ANO2: variants seen among roughly 807,000 people sequenced by gnomAD.
ANO2 encodes the protein anoctamin-2.
In ANO2, 101 loss-of-function variants were observed where a neutral mutation model predicts 124.2. The ratio of observed to expected loss-of-function variants is 0.81; its 90% CI spans 0.69 to 0.96. The LOEUF is 0.96. ANO2 is among the 40% of genes least tolerant of loss of function. ANO2 has a pLI of 0.00. For missense variants in ANO2, 1,293 were observed against 1,274.5 expected (o/e 1.01, Z -0.22); for synonymous variants, 486 against 482.5 (o/e 1.01, Z -0.09).
In ANO2 at chr12:5,904,665, G is replaced by A. The variant is rs904219793; in HGVS notation, c.534+16375C>T. Among the ~76,000 whole-genome samples the A allele has an allele frequency of 3.9e-5, 6 of 152,142 alleles. No individual in the cohort carries two copies. Among genetic ancestry groups the A allele is most frequent in the Admixed American group, 2.6e-4 (4 of 15,278 alleles). On this transcript the variant is annotated intron_variant, in intron 3 of 24. Coordinates refer to ENST00000682330, the MANE Select transcript of ANO2 (RefSeq NM_001364791.2). The surrounding 1 kb of genome is among the most constrained non-coding windows in gnomAD (Gnocchi z 4.1). ...GCCACAGCACCCGATGCTCCTTCTC[G>A]ATCTTCAAATTTTGCAGTGTCATCC...
chr12:5,639,114 T>A (rs891373417), intron 15 of ANO2, among the ~76,000 whole-genome samples: 1 of 152,062 alleles, frequency 6.6e-6, no homozygotes, highest in South Asian at 2.1e-4. Context: ...CAGTTTCCTA[T>A]GGGAAAGACT....
chr12:5,585,706 C>T (rs1943077417), intron 20 of ANO2, among the ~76,000 whole-genome samples: 1 of 152,210 alleles, frequency 6.6e-6, no homozygotes, highest in African/African-American at 2.4e-5. Flanking sequence ...TCCTTCCTCC[C>T]ATCCCTCCAT....
intron 22 of ANO2, among the ~76,000 whole-genome samples, chr12:5,577,271 T>G (rs910421485): frequency 1.3e-5 from 2 of 152,260 alleles, no homozygotes; most frequent in Admixed American, 1.3e-4. Context: ...AATCACTGTT[T>G]GCCTCCCAAG....
intron 19 of ANO2, among the ~76,000 whole-genome samples, chr12:5,605,607 C>T (rs1944179171): frequency 6.6e-6 from 1 of 152,184 alleles, no homozygotes; most frequent in Admixed American, 6.5e-5. Flanking sequence ...GAGCCCATTT[C>T]CAATTTTGCT....
Position 5,608,341 on chromosome 12 carries a change from A to G in ANO2, c.2087+4315T>C, listed in dbSNP as rs138811409. On this transcript the variant is annotated intron_variant, in intron 19 of 24. Coordinates refer to ENST00000682330, the MANE Select transcript of ANO2 (RefSeq NM_001364791.2). ...CAACCTTTATAATTGTACAAATTATAAAGAACTTTGGGGATAAAAGATCCT... is the reference window on the plus strand; with the variant it reads ...CAACCTTTATAATTGTACAAATTATGAAGAACTTTGGGGATAAAAGATCCT... 4.5e-3 allele frequency among the ~76,000 whole-genome samples: 686 copies of G among 151,508 alleles called. 6 individuals carry two copies. Among genetic ancestry groups the G allele is most frequent in the African/African-American group, 0.015 (612 of 41,230 alleles).
At chr12:5,768,083 C>T (rs1287584568) in intron 10 of ANO2, among the ~76,000 whole-genome samples, 4 of 152,206 alleles carry the variant, frequency 2.6e-5, no homozygotes, top group African/African-American at 7.2e-5. Flanking sequence ...ACCCTAACAT[C>T]GTGCCAGACA....
At chr12:5,617,804 T>C (rs1245969469) in intron 16 of ANO2, among the ~76,000 whole-genome samples, 1 of 152,262 alleles carries the variant, frequency 6.6e-6, no homozygotes, top group Non-Finnish European at 1.5e-5. Context: ...CGTTACTACA[T>C]GCCTTCAGCA....
intron 4 of ANO2, among the ~76,000 whole-genome samples, chr12:5,843,626 T>C (rs1400591066): frequency 6.6e-6 from 1 of 152,064 alleles, no homozygotes; most frequent in African/African-American, 2.4e-5. Flanking sequence ...TCTTTCTGGA[T>C]GTACTGAACT....
At chr12:5,813,004 AAGAAAGAG>A (rs1371783599) in intron 7 of ANO2, among the ~76,000 whole-genome samples, 5 of 2,854 alleles carry the variant, frequency 1.8e-3, no homozygotes, top group Non-Finnish European at 8.3e-3. Flanking sequence ...ACAAGCAAGA[AAGAAAGAG>A]AGAGAAAGAA....
chr12:5,885,200 G>A (rs75101208), intron 3 of ANO2, among the ~76,000 whole-genome samples: 2 of 152,204 alleles, frequency 1.3e-5, no homozygotes, highest in African/African-American at 2.4e-5. Context: ...TAAACACACT[G>A]GGTGGCCCCT....
chr12:5,756,771 A>G (rs61909768), intron 10 of ANO2, among the ~76,000 whole-genome samples: 17,266 of 152,276 alleles, frequency 0.11, 1,064 homozygotes, highest in Admixed American at 0.18. Flanking sequence ...GCATGAGAGT[A>G]GGGCTGCATT....
At chr12:5,780,820 G>C (rs1010091066) in intron 10 of ANO2, among the ~76,000 whole-genome samples, 2 of 152,152 alleles carry the variant, frequency 1.3e-5, no homozygotes, top group Admixed American at 1.3e-4. Flanking sequence ...AGGAGGCCCT[G>C]AATACAAGAA....
chr12:5,600,447 C>T (rs1224464004), intron 19 of ANO2, among the ~76,000 whole-genome samples: 1 of 152,186 alleles, frequency 6.6e-6, no homozygotes, highest in African/African-American at 2.4e-5. Flanking sequence ...ACTAAGACAA[C>T]TACATTCAGG....
chr12:5,790,291 C>A (rs921771345), intron 10 of ANO2, among the ~76,000 whole-genome samples: 1 of 152,162 alleles, frequency 6.6e-6, no homozygotes, highest in African/African-American at 2.4e-5. Flanking sequence ...AATACGAGAC[C>A]TGAAACCCTT....
At chr12:5,704,373 T>G (rs556190868) in intron 14 of ANO2, among the ~76,000 whole-genome samples, 1 of 152,300 alleles carries the variant, frequency 6.6e-6, no homozygotes, top group East Asian at 1.9e-4. Context: ...TGCGCCCTGG[T>G]GAGAGCAACT....
chr12:5,835,159 G>A (rs910988876), intron 4 of ANO2, among the ~76,000 whole-genome samples: 6 of 152,176 alleles, frequency 3.9e-5, no homozygotes, highest in African/African-American at 1.4e-4. Context: ...TACAGGAAAA[G>A]ATATTCTAGG....
intron 13 of ANO2, among the ~76,000 whole-genome samples, chr12:5,738,459 C>T (rs1950963212): frequency 6.6e-6 from 1 of 151,916 alleles, no homozygotes; most frequent in African/African-American, 2.4e-5. Context: ...GGCCCTCAGC[C>T]CCTCACCCAC....
At chr12:5,678,020 C>G (rs1948329243) in intron 14 of ANO2, among the ~76,000 whole-genome samples, 1 of 152,038 alleles carries the variant, frequency 6.6e-6, no homozygotes, top group East Asian at 1.9e-4. Flanking sequence ...GAAATGTACC[C>G]AGGGAAGAGT....
intron 17 of ANO2, among the ~76,000 whole-genome samples, chr12:5,613,668 C>T (rs1483114991): frequency 6.6e-6 from 1 of 152,166 alleles, no homozygotes; most frequent in Non-Finnish European, 1.5e-5. Flanking sequence ...CTTTCCTTTG[C>T]TGAAGTCTTC....
Sources: gnomAD v4.1 joint callset for allele counts (sites outside exome capture counted in the v4.1 genomes callset) on GRCh38, gnomAD v4.1.1 for gene constraint, Gnocchi (gnomAD v3.1) non-coding constraint, MANE v1.5 for transcripts, NCBI Gene and HGNC (gene_info 2026-07-23, HGNC 2026-07-21) for gene names.